The following FIG4 variants were observed in gnomAD, a reference collection of about 807,000 sequenced individuals.
The protein encoded by FIG4 is polyphosphoinositide phosphatase.
A neutral mutation model predicts 118.6 loss-of-function variants in FIG4; 112 were observed. The ratio of observed to expected loss-of-function variants is 0.94; its 90% CI spans 0.81 to 1.11. The LOEUF (loss-of-function observed/expected upper bound fraction) is 1.11, where lower values mean the gene tolerates loss of function less well. Ranked by LOEUF, FIG4 falls within the 50% of genes least tolerant of loss-of-function variation. The probability of loss-of-function intolerance (pLI) is 0.00; values close to 1 mark genes in which losing one functional copy is unlikely to be tolerated. For missense variants in FIG4, 969 were observed against 1,111.7 expected, an observed-to-expected ratio of 0.87 and a Z score of 1.83; for synonymous variants, 369 against 381.2, an observed-to-expected ratio of 0.97 and a Z score of 0.37.
intron 10 of FIG4, among the ~76,000 whole-genome samples, chr6:109,756,958 G>A (rs145947027): frequency 6.6e-6 from 1 of 152,160 alleles, no homozygotes; most frequent in East Asian, 1.9e-4. Context: ...TCTCCGTCCA[G>A]CTTTGTTCCA....
intron 1 of FIG4, among the ~76,000 whole-genome samples, chr6:109,696,200 T>C (rs1774713097): frequency 2.0e-5 from 3 of 152,202 alleles, no homozygotes; most frequent in Admixed American, 2.0e-4. Context: ...ATGTTTCAAT[T>C]TTAGCAGAAT....
chr6:109,776,160 A>G (rs1254523107), intron 15 of FIG4, among the ~76,000 whole-genome samples: 1 of 152,208 alleles, frequency 6.6e-6, no homozygotes, highest in Admixed American at 6.5e-5. Flanking sequence ...GGTTCATGAG[A>G]CCACTTCAGT....
chr6:109,694,381 A>C (rs1185211895), intron 1 of FIG4, among the ~76,000 whole-genome samples: 1 of 152,208 alleles, frequency 6.6e-6, no homozygotes, highest in Non-Finnish European at 1.5e-5. Flanking sequence ...AAAACTGGAT[A>C]TCCATGTGCA....
At chr6:109,777,433 TC>T (rs1777655108) in intron 16 of FIG4, among the ~76,000 whole-genome samples, 1 of 152,152 alleles carries the variant, frequency 6.6e-6, no homozygotes, top group African/African-American at 2.4e-5. Flanking sequence ...TTTCAGAACT[TC>T]CTTGTTAAAC....
chr6:109,769,640 G>A (rs534896056), intron 15 of FIG4, among the ~76,000 whole-genome samples: 2 of 150,580 alleles, frequency 1.3e-5, no homozygotes, highest in Non-Finnish European at 3.0e-5. Context: ...AAAAAAAAGC[G>A]CTGGGCACAG....
intron 10 of FIG4, among the ~76,000 whole-genome samples, chr6:109,745,981 AC>A (rs1014490665): frequency 6.6e-6 from 1 of 152,174 alleles, no homozygotes; most frequent in African/African-American, 2.4e-5. Context: ...TGGAGGCATC[AC>A]GCTACCTGAC....
rs75812212 is a variant in FIG4, at chr6:109,792,515, G to A, written c.2377-67G>A. The A allele has an allele frequency of 1.8e-4, 169 of 929,414 alleles. 1 individual carries two copies. The East Asian group carries it at 4.0e-3, about 22-fold the overall frequency. The allele number at this position is 929,414 out of a possible 1,614,324, so 57.6% of individuals were successfully genotyped here. A position where few individuals can be genotyped will look rare whatever the true frequency, so the allele number is the denominator to read the frequency against. ...AAATTCACAGTTTCATTTTTTTGGG[G>A]AAATTATTGATATGCTATATGTCTA... On this transcript the variant is annotated intron_variant, in intron 20 of 22. Coordinates refer to ENST00000230124, the MANE Select transcript of FIG4 (RefSeq NM_014845.6).
intron 22 of FIG4, among the ~76,000 whole-genome samples, chr6:109,799,014 AAAT>A (rs1778362173): frequency 1.3e-5 from 2 of 152,326 alleles, no homozygotes; most frequent in South Asian, 4.1e-4. Context: ...TATTCCACTA[AAAT>A]AATATGATAC....
In FIG4 at chr6:109,760,245, T is replaced by C. The variant is rs899851122; in HGVS notation, c.1138-5T>C. On this transcript the variant is annotated splice_region_variant and splice_polypyrimidine_tract_variant and intron_variant, in intron 10 of 22. Transcript: ENST00000230124. ...AACACTGAAAATGTTTAATTTTTGA[T>C]AAAGGAACGAGAGAAAAGAAAGCAT... 6.2e-7 allele frequency: 1 copy of C among 1,612,590 alleles called. No homozygotes were observed. The highest frequency in any genetic ancestry group is 1.7e-4 in the Middle Eastern group (1 of 6,056).
At chr6:109,700,357 A>G (rs1774869634) in intron 1 of FIG4, among the ~76,000 whole-genome samples, 1 of 152,224 alleles carries the variant, frequency 6.6e-6, no homozygotes, top group Non-Finnish European at 1.5e-5. Context: ...TATAAAATCA[A>G]TCTGAAAAAT....
At chr6:109,766,501 T>G (rs1465415385) in intron 14 of FIG4, among the ~76,000 whole-genome samples, 1 of 152,192 alleles carries the variant, frequency 6.6e-6, no homozygotes, top group African/African-American at 2.4e-5. Context: ...GTGGGCCATG[T>G]TTTTGGTGCC....
chr6:109,766,453 T>C (rs574899692), intron 14 of FIG4, among the ~76,000 whole-genome samples: 7 of 152,166 alleles, frequency 4.6e-5, no homozygotes, highest in African/African-American at 1.7e-4. Flanking sequence ...AAGTTAGGAG[T>C]CTTTAAGTGT....
At chr6:109,732,592 A>G in intron 4 of FIG4, 45 bp from the exon 5 acceptor site, 1 of 970,844 alleles carries the variant, frequency 1.0e-6, no homozygotes, top group Non-Finnish European at 1.6e-6. Context: ...TGTGAGAAAT[A>G]ATAGTATTGG....
intron 15 of FIG4, 34 bp downstream of exon 15, chr6:109,766,929 A>G: frequency 6.4e-7 from 1 of 1,566,740 alleles, no homozygotes; most frequent in Non-Finnish European, 8.8e-7. Context: ...TTTAAGACTT[A>G]CTCTGAAGTG....
intron 1 of FIG4, among the ~76,000 whole-genome samples, chr6:109,708,367 A>C (rs926197979): frequency 3.3e-5 from 5 of 152,162 alleles, no homozygotes. Context: ...CCAGTCTATC[A>C]CTGATGGGCA....
intron 22 of FIG4, among the ~76,000 whole-genome samples, chr6:109,801,570 C>T (rs769417477): frequency 2.6e-5 from 4 of 151,928 alleles, no homozygotes; most frequent in Non-Finnish European, 4.4e-5. Flanking sequence ...ATAATAAGTG[C>T]GCTTACAGTT....
At position 109,792,503 on chromosome 6, in the gene FIG4, C is replaced by A. The variant is rs1401499594; in HGVS notation, c.2377-79C>A. ...GCTTTTGTGGAAAAATTCACAGTTT[C>A]ATTTTTTTGGGGAAATTATTGATAT... On this transcript the variant is annotated intron_variant, in intron 20 of 22. Transcript: ENST00000230124. 7 of 866,614 alleles carry A rather than the reference C, an allele frequency of 8.1e-6. No individual in the cohort carries two copies. In the African/African-American group the frequency reaches 1.2e-4, roughly 15 times the overall value. The allele number at this position is 866,614 out of a possible 1,614,324, so 53.7% of individuals were successfully genotyped here.
At chr6:109,727,080 C>A in intron 3 of FIG4, 29 bp from the exon 4 acceptor site, 1 of 1,549,974 alleles carries the variant, frequency 6.5e-7, no homozygotes, top group Non-Finnish European at 8.9e-7. Context: ...GTTTATAAAG[C>A]ATATTTCTCT....
intron 10 of FIG4, among the ~76,000 whole-genome samples, chr6:109,755,639 T>G (rs1215709994): frequency 6.6e-6 from 1 of 152,210 alleles, no homozygotes; most frequent in East Asian, 1.9e-4. Flanking sequence ...GGTGCATATA[T>G]ATTTAGGATA....
Sources: gnomAD v4.1 joint callset for allele counts (sites outside exome capture counted in the v4.1 genomes callset) on GRCh38, gnomAD v4.1.1 for gene constraint, MANE v1.5 for transcripts, NCBI Gene and HGNC (gene_info 2026-07-23, HGNC 2026-07-21) for gene names.